Variants in XAGE5 observed in about 807,000 individuals in gnomAD.
The protein encoded by XAGE5 is X antigen family member 5, also known as G antigen, family D, 5.
A neutral mutation model predicts 13.1 loss-of-function variants in XAGE5; 13 were observed. The observed-to-expected ratio is 0.99, with a 90% CI of 0.64 to 1.57. The LOEUF (loss-of-function observed/expected upper bound fraction) is 1.57, where lower values mean the gene tolerates loss of function less well. Ranked by LOEUF, XAGE5 falls within the 40% of genes most tolerant of loss-of-function variation. The pLI, the probability that XAGE5 is intolerant of heterozygous loss-of-function variation, is 0.00. For synonymous variants in XAGE5, 17 were observed against 25.0 expected (o/e 0.68, Z 0.96); for missense variants, 86 against 77.6 (o/e 1.11, Z -0.41).
intron 2 of XAGE5, 87 bp from the exon 3 acceptor site, chrX:52,812,472 C>A: frequency 1.2e-6 from 1 of 805,457 alleles, no homozygotes; most frequent in Non-Finnish European, 1.8e-6. Context: ...CGGGGTTTCA[C>A]CATTTTGGCC....
intron 2 of XAGE5, chrX:52,812,254 T>G: frequency 1.3e-5 from 3 of 239,270 alleles, no homozygotes; most frequent in South Asian, 1.0e-4. Flanking sequence ...CCAATCACAA[T>G]ATTCTGGTTT....
At chrX:52,814,392 A>G in intron 4 of XAGE5, 1 of 187,484 alleles carries the variant, frequency 5.3e-6, no homozygotes, top group South Asian at 8.2e-5. Context: ...AGTTGTTTCA[A>G]TATTTTTATA....
In XAGE5 at chrX:52,815,114, C is replaced by T; in HGVS notation, c.201C>T (p.Leu67=). 8.3e-7 allele frequency: 1 copy of T among 1,211,263 alleles called. No individual in the cohort carries two copies. Among genetic ancestry groups the T allele is most frequent in the Admixed American group, 2.2e-5 (1 of 45,958 alleles). The part of the protein sequence containing the change: ...EIQVPNLEAD[L]QELSQSKTGD... ...CAGTGCCTAACCTGGAAGCTGATCT[C>T]CAGGAGCTGTCTCAGTCAAAGACTG... The change falls in exon 5 of 6, where the codon CTC becomes CTT. Residue 67 remains leucine (L), a synonymous_variant. Transcript: ENST00000375501.
At position 52,818,283 on chromosome X, in the gene XAGE5, T is replaced by A; in HGVS notation, c.*70T>A. 2.6e-6 allele frequency: 3 copies of A among 1,133,761 alleles called. No individual in the cohort carries two copies. Among genetic ancestry groups the A allele is most frequent in the Non-Finnish European group, 3.6e-6 (3 of 830,752 alleles). The allele number at this position is 1,133,761 out of a possible 1,213,427, so 93.4% of individuals were successfully genotyped here. A position where few individuals can be genotyped will look rare whatever the true frequency, so the allele number is the denominator to read the frequency against. On this transcript the variant is annotated 3_prime_UTR_variant, in exon 6 of 6. Coordinates refer to ENST00000375501, the MANE Select transcript of XAGE5 (RefSeq NM_001386970.1). ...TTGACTTTTAAAAATCTCAATAAAG[T>A]TTTCCAGTTTTCTCCAAAGAAGTAT...
chrX:52,814,118 C>G (rs1315488728), intron 4 of XAGE5: 1 of 279,535 alleles, frequency 3.6e-6, no homozygotes, highest in African/African-American at 2.7e-5. Flanking sequence ...ATTCTTCCTG[C>G]CATCTATTTT....
Position 52,815,165 on chromosome X carries a change from T to A in XAGE5, c.252T>A (p.Asp84Glu). ...GGGATGAATGCGGAGATAGTCCTGATGTCCAGGGGAAGATTCTGCCAAAAT... is the reference window on the plus strand; with the variant it reads ...GGGATGAATGCGGAGATAGTCCTGAAGTCCAGGGGAAGATTCTGCCAAAAT... ...KTGDECGDSP[D>E]VQGKILPKSE... The change falls in exon 5 of 6, where the codon GAT becomes GAA. Residue 84 changes from aspartate (D) to glutamate (E), a missense_variant. Transcript: ENST00000375501. 3.3e-6 allele frequency: 4 copies of A among 1,211,249 alleles called. No homozygotes were observed. Among genetic ancestry groups the A allele is most frequent in the Non-Finnish European group, 4.5e-6 (4 of 895,099 alleles).
At chrX:52,812,229 C>G (rs985041845) in intron 2 of XAGE5, 2 of 210,007 alleles carry the variant, frequency 9.5e-6, no homozygotes, top group Admixed American at 1.3e-4. Flanking sequence ...GTGGTATACA[C>G]TCAGGTGCAT....
chrX:52,816,040 T>G (rs1926901125), intron 5 of XAGE5, among the ~76,000 whole-genome samples: 3 of 111,880 alleles, frequency 2.7e-5, no homozygotes. Flanking sequence ...GCCTCCCGGG[T>G]TCAAGCGATT....
chrX:52,815,035 C>T (rs782458944), intron 4 of XAGE5, 57 bp from the exon 5 acceptor site: 13 of 1,185,723 alleles, frequency 1.1e-5, no homozygotes, highest in Admixed American at 2.2e-5. Flanking sequence ...ATAGGATCAT[C>T]TCCTTATTTA....
intron 3 of XAGE5, 53 bp downstream of exon 3, chrX:52,812,691 G>T (rs1926823775): frequency 1.8e-6 from 2 of 1,101,550 alleles, no homozygotes; most frequent in Non-Finnish European, 2.5e-6. Context: ...TTTTTGTGTG[G>T]TAGTTATTGT....
At chrX:52,813,957 C>T (rs1223185149) in intron 4 of XAGE5, among the ~76,000 whole-genome samples, 4 of 111,089 alleles carry the variant, frequency 3.6e-5, no homozygotes, top group African/African-American at 6.6e-5. Context: ...GAGCCAAGAT[C>T]GCGCCACTGC....
At chrX:52,815,017 G>T in intron 4 of XAGE5, 75 bp from the exon 5 acceptor site, 1 of 1,152,707 alleles carries the variant, frequency 8.7e-7, no homozygotes, top group African/African-American at 1.8e-5. Context: ...ACAACACTGA[G>T]GAAAAGAATA....
intron 2 of XAGE5, among the ~76,000 whole-genome samples, chrX:52,812,029 T>C (rs1926807711): frequency 9.0e-6 from 1 of 111,509 alleles, no homozygotes. Flanking sequence ...CCAAACCTCA[T>C]TGGAAATACC....
At position 52,813,703 on chromosome X, in the gene XAGE5, T is replaced by C. The variant is rs371056113; in HGVS notation, c.178+458T>C. ...TTGCAAAGGGATGTTAACCTCATTT[T>C]ATAAATAAGAAAACTGAGGCCGGGC... On this transcript the variant is annotated intron_variant, in intron 4 of 5. Transcript: ENST00000375501. Among the ~76,000 whole-genome samples, 32 of 111,637 alleles carry C rather than the reference T, an allele frequency of 2.9e-4. No homozygotes were observed. The East Asian group carries it at 6.8e-3, about 24-fold the overall frequency.
In XAGE5 at chrX:52,812,657, G is replaced by A. The variant is rs781943291; in HGVS notation, c.72+19G>A. 9 of 1,206,206 alleles carry A rather than the reference G, an allele frequency of 7.5e-6. No individual in the cohort carries two copies. The Admixed American group carries it at 1.5e-4, about 20-fold the overall frequency. On this transcript the variant is annotated intron_variant, in intron 3 of 5. Transcript: ENST00000375501. ...TATGCTTGTGAGTGACTTCACATTC[G>A]ATTTTTTTCTACTAGCAGAAATTTT...
chrX:52,811,940 A>G (rs187802960), intron 2 of XAGE5, among the ~76,000 whole-genome samples: 4 of 111,477 alleles, frequency 3.6e-5, no homozygotes, highest in African/African-American at 1.3e-4. Flanking sequence ...GGTGTGTGAC[A>G]AAAGCCATGG....
rs782345787 is a variant in XAGE5, at chrX:52,813,434, G to C, written c.178+189G>C. On this transcript the variant is annotated intron_variant, in intron 4 of 5. Transcript: ENST00000375501. ...GCAGCTTCCTGCAGTCCCTGGATAT[G>C]ATGAATCTTCTCTTTTTCTTTGAGA... Among the ~76,000 whole-genome samples the C allele has an allele frequency of 2.7e-5, 3 of 112,474 alleles. No homozygotes were observed. The East Asian group carries it at 8.4e-4, about 31-fold the overall frequency.
chrX:52,814,299 C>T, intron 4 of XAGE5: 2 of 323,526 alleles, frequency 6.2e-6, no homozygotes, highest in South Asian at 2.7e-5. Context: ...ACATTTTTGA[C>T]AGCATGTTTC....
rs996446308 is a variant in XAGE5, at chrX:52,811,605, G to A, written c.-123G>A. Among the ~76,000 whole-genome samples the A allele has an allele frequency of 9.0e-6, 1 of 110,912 alleles. No homozygotes were observed. ...AGTGCGACGGGGGTTAGGTGAAGCT[G>A]GGGCAATGCTGGGGTGCTGTTGGTG... On this transcript the variant is annotated 5_prime_UTR_variant, in exon 2 of 6. Coordinates refer to ENST00000375501, the MANE Select transcript of XAGE5 (RefSeq NM_001386970.1).
Sources: gnomAD v4.1 joint callset for allele counts (sites outside exome capture counted in the v4.1 genomes callset) on GRCh38, gnomAD v4.1.1 for gene constraint, MANE v1.5 for transcripts, NCBI Gene and HGNC (gene_info 2026-07-23, HGNC 2026-07-21) for gene names.